Variants in MGAT4C observed in about 807,000 individuals in gnomAD.
MGAT4C encodes the protein alpha-1,3-mannosyl-glycoprotein 4-beta-N-acetylglucosaminyltransferase C.
In MGAT4C, 19 loss-of-function variants were observed where a neutral mutation model predicts 40.1. That is an observed-to-expected ratio of 0.47 (90% confidence interval 0.33 to 0.70). MGAT4C has a LOEUF of 0.70. MGAT4C is among the 30% of genes least tolerant of loss of function. The pLI is 0.02. For missense variants in MGAT4C, 491 were observed against 563.2 expected, an observed-to-expected ratio of 0.87 and a Z score of 1.30; for synonymous variants, 181 against 187.1, an observed-to-expected ratio of 0.97 and a Z score of 0.27.
intron 3 of MGAT4C, among the ~76,000 whole-genome samples, chr12:86,430,944 T>C (rs1364120656): frequency 6.6e-6 from 1 of 152,184 alleles, no homozygotes; most frequent in Non-Finnish European, 1.5e-5. Flanking sequence ...GGAAGTTCCT[T>C]GCCTGGGCAA....
At chr12:86,083,446 G>C (rs1210613810) in intron 1 of MGAT4C, among the ~76,000 whole-genome samples, 1 of 151,884 alleles carries the variant, frequency 6.6e-6, no homozygotes, top group Non-Finnish European at 1.5e-5. Flanking sequence ...CTGTCCGCAG[G>C]GTTCTGTATG....
At chr12:86,482,845 T>C (rs951203853) in intron 2 of MGAT4C, among the ~76,000 whole-genome samples, 1 of 152,208 alleles carries the variant, frequency 6.6e-6, no homozygotes, top group Non-Finnish European at 1.5e-5. Context: ...GCAGAGCAAA[T>C]GTAAATTTTG....
intron 2 of MGAT4C, among the ~76,000 whole-genome samples, chr12:86,007,384 A>ATACT (rs1195747589): frequency 6.6e-6 from 1 of 152,114 alleles, no homozygotes; most frequent in Non-Finnish European, 1.5e-5. Flanking sequence ...ATGTGATGAA[A>ATACT]TACTCTCTAT....
rs1593016991 is a variant in MGAT4C at position 86,588,273 on chromosome 12, C to T, written c.-229+138936G>A. Among the ~76,000 whole-genome samples, 7 of 151,920 alleles carry T rather than the reference C, an allele frequency of 4.6e-5. No homozygotes were observed. In the South Asian group the frequency reaches 1.2e-3, roughly 27 times the overall value. Reference sequence around the variant, plus strand: ...CAATCCTAGTCTCTGATAAAACAGACTTTAAACCAAAAAAGATCAAAAGAG... The same window carrying T: ...CAATCCTAGTCTCTGATAAAACAGATTTTAAACCAAAAAAGATCAAAAGAG... On this transcript the variant is annotated intron_variant, in intron 2 of 7. Transcript: ENST00000548651.
intron 1 of MGAT4C, among the ~76,000 whole-genome samples, chr12:86,138,308 C>T (rs1249821670): frequency 6.6e-6 from 1 of 150,814 alleles, no homozygotes; most frequent in Non-Finnish European, 1.5e-5. Flanking sequence ...ATGTTACAAT[C>T]ATTTTTTTTT....
At chr12:86,630,159 T>A (rs1248707316) in intron 2 of MGAT4C, among the ~76,000 whole-genome samples, 2 of 151,964 alleles carry the variant, frequency 1.3e-5, no homozygotes, top group Non-Finnish European at 2.9e-5. Flanking sequence ...CTAGAAGAAA[T>A]GGATAAATTC....
chr12:86,694,144 G>A (rs1035593513), intron 2 of MGAT4C, among the ~76,000 whole-genome samples: 10 of 152,114 alleles, frequency 6.6e-5, no homozygotes, highest in African/African-American at 1.9e-4. Context: ...TCTAACTGAT[G>A]TGTCTTTCCA....
rs193259389 is a variant in MGAT4C, at chr12:86,762,009, C to T, written c.-261-34768G>A. Among the ~76,000 whole-genome samples the T allele has an allele frequency of 4.6e-5, 7 of 151,696 alleles. No individual in the cohort carries two copies. The East Asian group carries it at 1.4e-3, about 29-fold the overall frequency. On this transcript the variant is annotated intron_variant, in intron 1 of 7. Transcript: ENST00000548651. ...CACAATGGGTTAGCTGAGTCCTCTG[C>T]TCAGGGTCTTAACAGGCTGAAATAA...
chr12:86,727,991 T>C (rs1950851337), intron 1 of MGAT4C, among the ~76,000 whole-genome samples: 1 of 152,204 alleles, frequency 6.6e-6, no homozygotes, highest in South Asian at 2.1e-4. Context: ...AGTTGTGATG[T>C]ACTAGATTTA....
rs1565981389 is a variant in MGAT4C, at chr12:86,774,308, TTTC to T, written c.-261-47070_-261-47068del. 1.3e-4 allele frequency among the ~76,000 whole-genome samples: 5 copies of T among 39,538 alleles called. No homozygotes were observed. The Admixed American group carries it at 1.8e-3, about 14-fold the overall frequency. 25.9% of individuals were successfully genotyped at this position (39,538 alleles called of 152,430 possible). A position where few individuals can be genotyped will look rare whatever the true frequency, so the allele number is the denominator to read the frequency against. ...CTTTCTTTCTTTCTTTCTTTCTTTC[TTTC>T]TTTCTTTCTTTCTTTCTTTCTTTCT... On this transcript the variant is annotated intron_variant, in intron 1 of 7. Transcript: ENST00000548651.
At chr12:86,689,243 T>G (rs1950130526) in intron 2 of MGAT4C, among the ~76,000 whole-genome samples, 1 of 152,250 alleles carries the variant, frequency 6.6e-6, no homozygotes, top group Admixed American at 6.5e-5. Flanking sequence ...GCAGTTCCTG[T>G]AACCTTTTGT....
At chr12:85,984,886 C>T (rs924650010) in intron 3 of MGAT4C, among the ~76,000 whole-genome samples, 8 of 152,170 alleles carry the variant, frequency 5.3e-5, no homozygotes, top group African/African-American at 1.9e-4. Context: ...TCAAGCCATT[C>T]TCCTGCCTCA....
intron 1 of MGAT4C, among the ~76,000 whole-genome samples, chr12:86,769,979 T>A (rs879675848): frequency 3.2e-4 from 49 of 151,992 alleles, no homozygotes; most frequent in Non-Finnish European, 6.0e-4. Context: ...AACCTGCATA[T>A]TGTGCACATG....
intron 1 of MGAT4C, among the ~76,000 whole-genome samples, chr12:86,056,436 A>C (rs773436532): frequency 6.6e-6 from 1 of 152,084 alleles, no homozygotes; most frequent in East Asian, 1.9e-4. Flanking sequence ...CCCTGTGTCC[A>C]AGTGTTCTCA....
chr12:86,078,906 C>T (rs1370197861), intron 1 of MGAT4C, among the ~76,000 whole-genome samples: 1 of 152,160 alleles, frequency 6.6e-6, no homozygotes, highest in African/African-American at 2.4e-5. Flanking sequence ...CTGACATGCA[C>T]CTTCTTAGTT....
chr12:86,739,032 A>G (rs559600545), intron 1 of MGAT4C, among the ~76,000 whole-genome samples: 1 of 142,242 alleles, frequency 7.0e-6, no homozygotes, highest in Non-Finnish European at 1.5e-5. Context: ...GATTGTCGTT[A>G]GGGTATCCAC....
chr12:86,315,616 G>A (rs1566282097), intron 4 of MGAT4C, among the ~76,000 whole-genome samples: 1 of 152,160 alleles, frequency 6.6e-6, no homozygotes, highest in Non-Finnish European at 1.5e-5. Flanking sequence ...TGAGGCAGGA[G>A]AATGGCATGA....
chr12:86,551,035 A>C (rs111667665), intron 2 of MGAT4C, among the ~76,000 whole-genome samples: 132 of 151,554 alleles, frequency 8.7e-4, no homozygotes, highest in African/African-American at 2.9e-3. Flanking sequence ...CCCACATCTC[A>C]AGCCCAAGAC....
intron 1 of MGAT4C, among the ~76,000 whole-genome samples, chr12:86,814,550 T>A (rs1952563148): frequency 6.6e-6 from 1 of 151,850 alleles, no homozygotes; most frequent in Non-Finnish European, 1.5e-5. Context: ...ATTACATTAA[T>A]TCCAATTCTC....
Sources: gnomAD v4.1 joint callset for allele counts (sites outside exome capture counted in the v4.1 genomes callset) on GRCh38, gnomAD v4.1.1 for gene constraint, MANE v1.5 for transcripts, NCBI Gene and HGNC (gene_info 2026-07-23, HGNC 2026-07-21) for gene names.